The following EDIL3 variants were observed in gnomAD, a reference collection of about 807,000 sequenced individuals.
EDIL3 encodes the protein EGF like and discoidin domains 3, also known as EGF-like repeat and discoidin I-like domain-containing protein 3.
Under a neutral mutation model 67.4 loss-of-function variants are expected in EDIL3, and 37 were observed. That is an observed-to-expected ratio of 0.55 (90% CI 0.42 to 0.72). The LOEUF is 0.72. Among genes scored for constraint, EDIL3 ranks in the 30% least tolerant of loss-of-function variants. The pLI is 0.00. For missense variants in EDIL3, 527 were observed against 586.3 expected, an observed-to-expected ratio of 0.90 and a Z score of 1.04; for synonymous variants, 195 against 196.3, an observed-to-expected ratio of 0.99 and a Z score of 0.05.
chr5:84,032,968 A>G (rs974924291), intron 9 of EDIL3, among the ~76,000 whole-genome samples: 2 of 152,186 alleles, frequency 1.3e-5, no homozygotes, highest in African/African-American at 4.8e-5. Flanking sequence ...ATGCTCACCA[A>G]GGCATGGTAG....
At chr5:84,096,842 G>A (rs181392675) in intron 6 of EDIL3, among the ~76,000 whole-genome samples, 1 of 152,310 alleles carries the variant, frequency 6.6e-6, no homozygotes, top group East Asian at 1.9e-4. Context: ...AAAGATAAGT[G>A]AATCATGGGA....
chr5:84,127,939 T>C (rs781497157), intron 5 of EDIL3, among the ~76,000 whole-genome samples: 3 of 152,152 alleles, frequency 2.0e-5, no homozygotes, highest in Non-Finnish European at 4.4e-5. Flanking sequence ...AGCTGTACTA[T>C]CTTATCAGGA....
At chr5:84,119,788 C>G (rs1310450169) in intron 5 of EDIL3, among the ~76,000 whole-genome samples, 2 of 151,832 alleles carry the variant, frequency 1.3e-5, no homozygotes, top group Non-Finnish European at 1.5e-5. Context: ...TTGGAGCAAT[C>G]AACAAAATCT....
At chr5:84,020,914 T>C (rs912006150) in intron 9 of EDIL3, among the ~76,000 whole-genome samples, 5 of 152,028 alleles carry the variant, frequency 3.3e-5, no homozygotes, top group East Asian at 1.9e-4. Context: ...AAAAGTTATA[T>C]GCATCTTTCA....
In EDIL3 at chr5:84,064,796, T is replaced by G. The variant is rs201386908; in HGVS notation, c.856A>C (p.Thr286Pro). The G allele has an allele frequency of 1.1e-5, 17 of 1,613,790 alleles. No individual in the cohort carries two copies. Among genetic ancestry groups the G allele is most frequent in the Admixed American group, 1.7e-5 (1 of 59,986 alleles). The change falls in exon 8 of 11, where the codon ACA (threonine) becomes CCA (proline). Residue 286 changes from threonine (T) to proline (P), a missense_variant. Thr to Pro is a conservative substitution (Grantham distance 38). This residue lies in a region of EDIL3 where 494 missense variants were observed against 522.5 expected (regional missense o/e 0.95). Transcript: ENST00000296591. Reference protein sequence around the residue: ...DNNTPYANSFTPPIKAQYVRL... With the variant: ...DNNTPYANSFPPPIKAQYVRL... Reference sequence around the variant, plus strand: ...ACATACTGAGCTTTTATGGGGGGTGTGAAAGAGTTAGCATATGGAGTGTTG... The same window carrying G: ...ACATACTGAGCTTTTATGGGGGGTGGGAAAGAGTTAGCATATGGAGTGTTG...
intron 9 of EDIL3, among the ~76,000 whole-genome samples, chr5:83,979,340 G>A (rs780354682): frequency 2.6e-5 from 4 of 152,042 alleles, no homozygotes; most frequent in East Asian, 1.9e-4. Flanking sequence ...TAACAACTTC[G>A]TAGGACAAAT....
At chr5:83,995,598 T>C (rs1745225227) in intron 9 of EDIL3, among the ~76,000 whole-genome samples, 1 of 152,178 alleles carries the variant, frequency 6.6e-6, no homozygotes, top group African/African-American at 2.4e-5. Flanking sequence ...GTCAGACATA[T>C]CACATAATTA....
chr5:84,122,714 G>A (rs1479025761), intron 5 of EDIL3, among the ~76,000 whole-genome samples: 1 of 151,782 alleles, frequency 6.6e-6, no homozygotes, highest in Non-Finnish European at 1.5e-5. Flanking sequence ...AAATGATGAG[G>A]AGGGCACTTA....
chr5:84,068,149 T>A (rs1746675783), intron 6 of EDIL3, among the ~76,000 whole-genome samples: 1 of 152,234 alleles, frequency 6.6e-6, no homozygotes, highest in South Asian at 2.1e-4. Context: ...AGGGAATGTT[T>A]GAAAGATGTT....
intron 1 of EDIL3, among the ~76,000 whole-genome samples, chr5:84,275,072 C>T (rs1745550596): frequency 6.6e-6 from 1 of 152,154 alleles, no homozygotes. Flanking sequence ...TGACAAGTCA[C>T]ACAGCCAGGT....
chr5:84,244,278 T>C (rs1744862383), intron 2 of EDIL3, among the ~76,000 whole-genome samples: 1 of 152,030 alleles, frequency 6.6e-6, no homozygotes, highest in African/African-American at 2.4e-5. Context: ...CACTTATGTA[T>C]TTATTTACTT....
In EDIL3 at chr5:84,272,572, AT is replaced by A. The variant is rs970990853; in HGVS notation, c.68-18361del. On this transcript the variant is annotated intron_variant, in intron 1 of 10. Transcript: ENST00000296591. The stretch of plus-strand genomic sequence containing the variant: ...AATTCATTTAATACACAAAATAAAC[AT>A]GAGGTTGGCCTTAATATCAGCATTT... 7.8e-4 allele frequency among the ~76,000 whole-genome samples: 119 copies of A among 152,288 alleles called. 1 individual carries two copies. The highest frequency in any genetic ancestry group is 2.8e-3 in the African/African-American group (116 of 41,574).
chr5:84,163,949 A>G (rs1748658281), intron 4 of EDIL3, among the ~76,000 whole-genome samples: 1 of 152,086 alleles, frequency 6.6e-6, no homozygotes, highest in South Asian at 2.1e-4. Context: ...AATCATTTAT[A>G]CTAATACATA....
At chr5:84,136,663 G>A (rs538088016) in intron 5 of EDIL3, among the ~76,000 whole-genome samples, 6 of 152,006 alleles carry the variant, frequency 3.9e-5, no homozygotes, top group Non-Finnish European at 5.9e-5. Context: ...TTATTTTTAC[G>A]TTTTATTTAT....
chr5:84,102,950 A>C (rs2112279563), intron 6 of EDIL3, among the ~76,000 whole-genome samples: 1 of 152,262 alleles, frequency 6.6e-6, no homozygotes, highest in Admixed American at 6.6e-5. Context: ...GTATCACATT[A>C]CCTGACTTCA....
At chr5:84,139,681 T>C (rs1748155530) in intron 4 of EDIL3, among the ~76,000 whole-genome samples, 2 of 152,190 alleles carry the variant, frequency 1.3e-5, no homozygotes, top group African/African-American at 4.8e-5. Context: ...CACTGCCGTA[T>C]TTTGTAAAGT....
chr5:84,305,975 A>T (rs1000821044), intron 1 of EDIL3, among the ~76,000 whole-genome samples: 12 of 152,078 alleles, frequency 7.9e-5, no homozygotes, highest in African/African-American at 2.4e-4. Context: ...CTTTCATGTC[A>T]TGTCCCCCCA....
intron 9 of EDIL3, among the ~76,000 whole-genome samples, chr5:84,011,437 G>T (rs938091098): frequency 2.0e-5 from 3 of 152,028 alleles, no homozygotes; most frequent in African/African-American, 7.2e-5. Flanking sequence ...CCTGAGTATT[G>T]CAATATTTTC....
chr5:84,109,828 T>G (rs1747528087), intron 5 of EDIL3, among the ~76,000 whole-genome samples: 1 of 152,094 alleles, frequency 6.6e-6, no homozygotes, highest in South Asian at 2.1e-4. Context: ...TGTGAGTCTG[T>G]GAGTTGTCAA....
Sources: gnomAD v4.1 joint callset for allele counts (sites outside exome capture counted in the v4.1 genomes callset) on GRCh38, gnomAD v4.1.1 for gene constraint, gnomAD v4.1.1 regional missense constraint, MANE v1.5 for transcripts, NCBI Gene and HGNC (gene_info 2026-07-23, HGNC 2026-07-21) for gene names.